GRM1: variants seen among roughly 807,000 people sequenced by gnomAD.
GRM1 encodes the protein glutamate metabotropic receptor 1.
Under a neutral mutation model 90.9 loss-of-function variants are expected in GRM1, and 33 were observed. That is an observed-to-expected ratio of 0.36 (90% CI 0.28 to 0.49). The LOEUF is 0.49. GRM1 is among the 20% of genes least tolerant of loss of function. The pLI is 0.99. For synonymous variants in GRM1, 700 were observed against 613.2 expected, an observed-to-expected ratio of 1.14 and a Z score of -2.09; for missense variants, 1,190 against 1,534.3, an observed-to-expected ratio of 0.78 and a Z score of 3.75.
chr6:146,325,703 A>G (rs1313268141), intron 3 of GRM1, among the ~76,000 whole-genome samples: 1 of 152,196 alleles, frequency 6.6e-6, no homozygotes, highest in African/African-American at 2.4e-5. Flanking sequence ...TAGGCATTAT[A>G]CTTTTCAAAT....
chr6:146,054,796 A>G (rs1272763453), intron 1 of GRM1, among the ~76,000 whole-genome samples: 1 of 152,124 alleles, frequency 6.6e-6, no homozygotes, highest in Non-Finnish European at 1.5e-5. Flanking sequence ...CTGACAGAAC[A>G]ACATATGTGT....
At chr6:146,414,545 G>A (rs1777701042) in intron 7 of GRM1, among the ~76,000 whole-genome samples, 1 of 152,026 alleles carries the variant, frequency 6.6e-6, no homozygotes, top group Non-Finnish European at 1.5e-5. Context: ...TGGGACTACA[G>A]GCGCCCGCCA....
intron 2 of GRM1, among the ~76,000 whole-genome samples, chr6:146,260,959 G>A (rs1452828978): frequency 6.6e-6 from 1 of 151,582 alleles, no homozygotes; most frequent in East Asian, 1.9e-4. Context: ...GATACTGCTT[G>A]GCAAAAGCCG....
intron 3 of GRM1, among the ~76,000 whole-genome samples, chr6:146,333,575 T>G (rs986879794): frequency 1.3e-5 from 2 of 152,178 alleles, no homozygotes; most frequent in Non-Finnish European, 1.5e-5. Context: ...CTTACTCTAA[T>G]TATCAGCCTG....
At chr6:146,211,588 A>C (rs1037509154) in intron 2 of GRM1, among the ~76,000 whole-genome samples, 1 of 152,196 alleles carries the variant, frequency 6.6e-6, no homozygotes, top group African/African-American at 2.4e-5. Context: ...GTTGGTGGCT[A>C]GAACATATTT....
At chr6:146,050,738 T>C (rs959366109) in intron 1 of GRM1, among the ~76,000 whole-genome samples, 2 of 152,202 alleles carry the variant, frequency 1.3e-5, no homozygotes, top group African/African-American at 4.8e-5. Flanking sequence ...TGTTAGTTCA[T>C]GCAGAAGCCA....
At chr6:146,178,480 T>C (rs887945554) in intron 2 of GRM1, among the ~76,000 whole-genome samples, 2 of 152,216 alleles carry the variant, frequency 1.3e-5, no homozygotes, top group Non-Finnish European at 2.9e-5. Context: ...ACATGGAAAT[T>C]AATTTATGTT....
intron 1 of GRM1, among the ~76,000 whole-genome samples, chr6:146,146,911 G>T (rs1777130663): frequency 6.6e-6 from 1 of 152,144 alleles, no homozygotes; most frequent in Non-Finnish European, 1.5e-5. Context: ...GAGTAATACA[G>T]TCTTCATATT....
chr6:146,301,592 C>T (rs1365321380), intron 2 of GRM1, among the ~76,000 whole-genome samples: 1 of 152,152 alleles, frequency 6.6e-6, no homozygotes, highest in Non-Finnish European at 1.5e-5. Flanking sequence ...GGGAGAAACA[C>T]ACTTCAACCC....
intron 1 of GRM1, among the ~76,000 whole-genome samples, chr6:146,150,926 A>ACG (rs200668954): frequency 6.8e-5 from 6 of 88,418 alleles, no homozygotes; most frequent in African/African-American, 2.8e-4. Context: ...AAACACACAC[A>ACG]CGCGTGTGCG....
At chr6:146,038,780 C>T (rs1790986564) in intron 1 of GRM1, among the ~76,000 whole-genome samples, 1 of 151,662 alleles carries the variant, frequency 6.6e-6, no homozygotes, top group Non-Finnish European at 1.5e-5. Context: ...TGCTATAACA[C>T]ATTTTATAAT....
chr6:146,190,304 T>G (rs1778892275), intron 2 of GRM1, among the ~76,000 whole-genome samples: 1 of 152,182 alleles, frequency 6.6e-6, no homozygotes, highest in African/African-American at 2.4e-5. Flanking sequence ...TTTATAAATG[T>G]TTTGTTAGAC....
chr6:146,043,876 G>A (rs773538254), intron 1 of GRM1, among the ~76,000 whole-genome samples: 3 of 148,900 alleles, frequency 2.0e-5, no homozygotes, highest in Non-Finnish European at 4.5e-5. Flanking sequence ...TGAAGCAGAT[G>A]GTAATGACAG....
chr6:146,396,537 T>C (rs1776943425), intron 6 of GRM1, among the ~76,000 whole-genome samples: 1 of 152,122 alleles, frequency 6.6e-6, no homozygotes. Flanking sequence ...GCTTACATGT[T>C]CCTCTAATGT....
chr6:146,382,582 A>T (rs1776355798), intron 5 of GRM1, among the ~76,000 whole-genome samples: 1 of 152,144 alleles, frequency 6.6e-6, no homozygotes. Context: ...AGAAGGTAAT[A>T]TGCATTTAAG....
chr6:146,387,085 T>A, intron 6 of GRM1, 69 bp downstream of exon 6: 1 of 1,399,158 alleles, frequency 7.1e-7, no homozygotes. Context: ...ATCCCTCAAA[T>A]GAGAATGATT....
At chr6:146,396,117 A>G (rs975538797) in intron 6 of GRM1, among the ~76,000 whole-genome samples, 2 of 98,236 alleles carry the variant, frequency 2.0e-5, no homozygotes, top group African/African-American at 6.1e-5. Flanking sequence ...CTATATATAT[A>G]TATTTATCAT....
chr6:146,113,822 G>A (rs1327385811), intron 1 of GRM1, among the ~76,000 whole-genome samples: 2 of 152,162 alleles, frequency 1.3e-5, no homozygotes, highest in African/African-American at 4.8e-5. Flanking sequence ...CCATTAGCCT[G>A]TATCTTTTTC....
chr6:146,389,787 G>C (rs1011319580), intron 6 of GRM1, among the ~76,000 whole-genome samples: 2 of 151,826 alleles, frequency 1.3e-5, no homozygotes, highest in African/African-American at 2.4e-5. Flanking sequence ...TTATCTTTAG[G>C]GTCTTTCACA....
Sources: gnomAD v4.1 joint callset for allele counts (sites outside exome capture counted in the v4.1 genomes callset) on GRCh38, gnomAD v4.1.1 for gene constraint, MANE v1.5 for transcripts, NCBI Gene and HGNC (gene_info 2026-07-23, HGNC 2026-07-21) for gene names.